Variants in RGS7 observed in about 807,000 individuals in gnomAD.
RGS7 encodes the protein regulator of G protein signaling 7.
RGS7 carries 27 observed loss-of-function variants against 81.1 expected under a neutral mutation model. The observed-to-expected ratio is 0.33, with a 90% CI of 0.25 to 0.46. The LOEUF (loss-of-function observed/expected upper bound fraction) is 0.46. Ranked by LOEUF, RGS7 falls within the 20% of genes least tolerant of loss-of-function variation. RGS7 has a pLI of 1.00. For synonymous variants in RGS7, 208 were observed against 207.7 expected, an observed-to-expected ratio of 1.00 and a Z score of -0.01; for missense variants, 396 against 607.4, an observed-to-expected ratio of 0.65 and a Z score of 3.66.
At chr1:241,317,379 A>C (rs756110951) in intron 2 of RGS7, among the ~76,000 whole-genome samples, 6 of 152,242 alleles carry the variant, frequency 3.9e-5, no homozygotes, top group Non-Finnish European at 7.3e-5. Flanking sequence ...AAATACTACA[A>C]GCCAGCTCCA....
intron 2 of RGS7, among the ~76,000 whole-genome samples, chr1:241,229,557 T>C (rs575906555): frequency 2.0e-5 from 3 of 152,330 alleles, no homozygotes; most frequent in Admixed American, 1.3e-4. Context: ...CTCAAGCTAA[T>C]TGAGCTGCTC....
Position 240,970,887 on chromosome 1 carries a change from G to A in RGS7, c.226+12192C>T, listed in dbSNP as rs190843386. The stretch of plus-strand genomic sequence containing the variant: ...CCAGCTACACAGGGAGCTGAGACAG[G>A]AGAATTCCTTGAACCCGGGGGGCAG... On this transcript the variant is annotated intron_variant, in intron 4 of 18. Transcript: ENST00000440928. Among the ~76,000 whole-genome samples the A allele has an allele frequency of 1.5e-3, 229 of 152,212 alleles. 1 individual carries two copies. Among genetic ancestry groups the A allele is most frequent in the African/African-American group, 5.3e-3 (222 of 41,528 alleles).
chr1:241,136,645 G>A (rs2067537527), intron 2 of RGS7, among the ~76,000 whole-genome samples: 1 of 152,266 alleles, frequency 6.6e-6, no homozygotes, highest in Middle Eastern at 3.4e-3. Context: ...CCTGAAGATG[G>A]CTATCTTCTC....
At chr1:241,237,007 G>T (rs761201712) in intron 2 of RGS7, among the ~76,000 whole-genome samples, 1 of 152,184 alleles carries the variant, frequency 6.6e-6, no homozygotes, top group Non-Finnish European at 1.5e-5. Flanking sequence ...AATGTACAGC[G>T]AGCCCTTGTT....
At chr1:241,314,325 GTCAACAGCCA>G (rs1275207763) in intron 2 of RGS7, among the ~76,000 whole-genome samples, 1 of 152,142 alleles carries the variant, frequency 6.6e-6, no homozygotes, top group Non-Finnish European at 1.5e-5. Context: ...ACCCTCATCA[GTCAACAGCCA>G]TCAACATTGA....
At chr1:241,268,080 G>C (rs1027560891) in intron 2 of RGS7, among the ~76,000 whole-genome samples, 4 of 152,174 alleles carry the variant, frequency 2.6e-5, no homozygotes, top group Non-Finnish European at 4.4e-5. Flanking sequence ...CTAGCTGGTG[G>C]ACCTTAAGGT....
intron 3 of RGS7, among the ~76,000 whole-genome samples, chr1:241,016,233 C>T (rs1404344001): frequency 6.6e-6 from 1 of 152,038 alleles, no homozygotes; most frequent in African/African-American, 2.4e-5. Flanking sequence ...TACATAAAAA[C>T]TCATGTCTGG....
chr1:241,152,886 T>A (rs1417847694), intron 2 of RGS7, among the ~76,000 whole-genome samples: 1 of 152,166 alleles, frequency 6.6e-6, no homozygotes, highest in Admixed American at 6.5e-5. Context: ...CCCATGAGAT[T>A]CAGGGGTTAT....
chr1:241,022,853 T>C (rs2059607213), intron 3 of RGS7, among the ~76,000 whole-genome samples: 1 of 152,144 alleles, frequency 6.6e-6, no homozygotes, highest in Admixed American at 6.5e-5. Context: ...AGTTGCAATA[T>C]GATCAAAGTG....
chr1:241,091,480 G>A (rs989243490), intron 3 of RGS7, among the ~76,000 whole-genome samples: 18 of 150,458 alleles, frequency 1.2e-4, no homozygotes, highest in African/African-American at 2.7e-4. Context: ...CCCAGGAGGC[G>A]GAGCTTGCAG....
At chr1:240,913,887 GT>G (rs950124956) in intron 6 of RGS7, among the ~76,000 whole-genome samples, 9 of 148,584 alleles carry the variant, frequency 6.1e-5, no homozygotes, top group Non-Finnish European at 9.0e-5. Context: ...TCTTCCTTTT[GT>G]TTTTTTTGTT....
intron 3 of RGS7, among the ~76,000 whole-genome samples, chr1:241,047,530 T>C (rs1305671145): frequency 6.6e-6 from 1 of 152,118 alleles, no homozygotes; most frequent in African/African-American, 2.4e-5. Context: ...ACCTTTATTA[T>C]ACTCTCTAAT....
At chr1:241,087,956 C>A (rs1309072261) in intron 3 of RGS7, among the ~76,000 whole-genome samples, 1,251 of 83,878 alleles carry the variant, frequency 0.015, 32 homozygotes, top group African/African-American at 0.049. Flanking sequence ...CTCTCTCTCT[C>A]TCTCTCTCTC....
At chr1:241,063,714 A>C (rs2061871071) in intron 3 of RGS7, among the ~76,000 whole-genome samples, 1 of 151,956 alleles carries the variant, frequency 6.6e-6, no homozygotes, top group South Asian at 2.1e-4. Flanking sequence ...GGCTAACATT[A>C]TTGACAACCT....
At chr1:241,184,162 A>C (rs1446545526) in intron 2 of RGS7, among the ~76,000 whole-genome samples, 1 of 152,224 alleles carries the variant, frequency 6.6e-6, no homozygotes, top group Non-Finnish European at 1.5e-5. Flanking sequence ...TATTGCACTC[A>C]GTGATAATAA....
chr1:240,811,831 G>C (rs1689901065), intron 14 of RGS7, 87 bp downstream of exon 14: 1 of 1,183,706 alleles, frequency 8.4e-7, no homozygotes, highest in Admixed American at 1.7e-5. Context: ...GTTAGTGGAA[G>C]AATAATTGAT....
At chr1:240,815,367 A>G (rs1690633334) in intron 11 of RGS7, among the ~76,000 whole-genome samples, 1 of 152,166 alleles carries the variant, frequency 6.6e-6, no homozygotes, top group Non-Finnish European at 1.5e-5. Flanking sequence ...AAAATTGTAG[A>G]GATTTTAAAC....
intron 3 of RGS7, among the ~76,000 whole-genome samples, chr1:241,014,302 T>G (rs756680533): frequency 6.6e-6 from 1 of 152,254 alleles, no homozygotes; most frequent in Non-Finnish European, 1.5e-5. Flanking sequence ...GGATGCTTTA[T>G]GTCTACAACC....
intron 2 of RGS7, among the ~76,000 whole-genome samples, chr1:241,324,664 A>C (rs1032700919): frequency 6.6e-6 from 1 of 152,140 alleles, no homozygotes; most frequent in Non-Finnish European, 1.5e-5. Flanking sequence ...TTACAGTCTG[A>C]TCTCAGTTCC....
Sources: allele counts gnomAD v4.1 joint callset (sites outside exome capture counted in the v4.1 genomes callset), GRCh38; gene constraint gnomAD v4.1.1; transcripts MANE v1.5; gene names NCBI Gene and HGNC (gene_info 2026-07-23, HGNC 2026-07-21).